APLP2: variants seen among roughly 807,000 people sequenced by gnomAD.
The protein encoded by APLP2 is amyloid beta precursor like protein 2.
In APLP2, 53 loss-of-function variants were observed where a neutral mutation model predicts 89.9. The ratio of observed to expected loss-of-function variants is 0.59; its 90% CI spans 0.47 to 0.74. APLP2 has a LOEUF of 0.74. APLP2 is among the 30% of genes least tolerant of loss of function. APLP2 has a pLI of 0.00. For missense variants in APLP2, 973 were observed against 975.9 expected (o/e 1.00, Z 0.04); for synonymous variants, 372 against 348.6 (o/e 1.07, Z -0.75).
intron 3 of APLP2, among the ~76,000 whole-genome samples, chr11:130,118,324 T>G (rs1194747948): frequency 6.6e-6 from 1 of 152,192 alleles, no homozygotes; most frequent in Non-Finnish European, 1.5e-5. Context: ...AGTTTCTGTT[T>G]TTATTTTAAA....
At chr11:130,079,011 T>C (rs1591758532) in intron 1 of APLP2, among the ~76,000 whole-genome samples, 1 of 152,182 alleles carries the variant, frequency 6.6e-6, no homozygotes, top group East Asian at 1.9e-4. Context: ...TTTGGGTCTA[T>C]AGTTTAATTG....
intron 4 of APLP2, 132 bp from the exon 5 acceptor site, chr11:130,121,482 A>G (rs546205439): frequency 8.6e-7 from 1 of 1,166,632 alleles, no homozygotes; most frequent in Admixed American, 3.0e-5. Flanking sequence ...TTGACAGAAA[A>G]TGTATGTGTT....
chr11:130,110,598 A>G lies in APLP2; in HGVS notation c.340A>G (p.Asn114Asp). 1 of 1,613,868 alleles carries G rather than the reference A, an allele frequency of 6.2e-7. No homozygotes were observed. Among genetic ancestry groups the G allele is most frequent in the South Asian group, 1.1e-5 (1 of 91,078 alleles). Residue 114 changes from asparagine to aspartate, a missense_variant, in exon 3 of 17, where the codon AAC (asparagine) becomes GAC (aspartate). By Grantham distance (23) the Asn-to-Asp change is conservative. Transcript: ENST00000338167. Reference sequence around the variant, plus strand: ...GGCAAACCAGCGGGTTAGTATTGACAACTGGTGCCGGAGGGACAAAAAGCA... The same window carrying G: ...GGCAAACCAGCGGGTTAGTATTGACGACTGGTGCCGGAGGGACAAAAAGCA... ...MEANQRVSID[N>D]WCRRDKKQCK...
chr11:130,133,935 A>G (rs1951227410), intron 12 of APLP2, among the ~76,000 whole-genome samples: 1 of 152,240 alleles, frequency 6.6e-6, no homozygotes, highest in African/African-American at 2.4e-5. Context: ...GCTGTGAGCC[A>G]TGGAGCCTCG....
At chr11:130,094,744 A>T (rs1945963184) in intron 1 of APLP2, among the ~76,000 whole-genome samples, 1 of 152,228 alleles carries the variant, frequency 6.6e-6, no homozygotes, top group Admixed American at 6.5e-5. Flanking sequence ...ACTGTGAGCC[A>T]CTAAAACAGG....
chr11:130,128,999 T>TGCC (rs1565595014), intron 9 of APLP2, 49 bp from the exon 10 acceptor site: 1 of 1,577,810 alleles, frequency 6.3e-7, no homozygotes, highest in Admixed American at 1.7e-5. Context: ...TTGCTTAGGC[T>TGCC]TCCTCTGGGT....
intron 3 of APLP2, among the ~76,000 whole-genome samples, chr11:130,115,075 T>A (rs1227598093): frequency 1.3e-5 from 2 of 152,188 alleles, no homozygotes; most frequent in Non-Finnish European, 2.9e-5. Flanking sequence ...CCCTGAAACA[T>A]ACCTGGGGTG....
At chr11:130,122,193 T>C in intron 5 of APLP2, 112 bp from the exon 6 acceptor site, 2 of 1,276,896 alleles carry the variant, frequency 1.6e-6, no homozygotes, top group Non-Finnish European at 1.1e-6. Flanking sequence ...GAAATGTGCG[T>C]TGAGCTTATT....
rs746178399 is a variant in APLP2, at chr11:130,070,692, C to G, written c.105+610C>G. On this transcript the variant is annotated intron_variant, in intron 1 of 16. Coordinates refer to ENST00000338167, the MANE Select transcript of APLP2 (RefSeq NM_001142276.2). ...CGCCTGGGGCCGGGTCGCGGACGCG[C>G]ATTTTTTAAGTGGCGCTGTTTGCCT... The G allele has an allele frequency of 1.4e-5, 21 of 1,478,152 alleles. No individual in the cohort carries two copies. The African/African-American group carries it at 2.2e-4, about 15-fold the overall frequency. 91.6% of individuals were successfully genotyped at this position (1,478,152 alleles called of 1,614,324 possible). A position where few individuals can be genotyped will look rare whatever the true frequency, so the allele number is the denominator to read the frequency against.
intron 1 of APLP2, among the ~76,000 whole-genome samples, chr11:130,108,018 A>G (rs1948027449): frequency 6.6e-6 from 1 of 152,264 alleles, no homozygotes; most frequent in South Asian, 2.1e-4. Flanking sequence ...CCATATGTAG[A>G]AAGCTGAAAC....
At chr11:130,128,412 A>G (rs1025514923) in intron 9 of APLP2, among the ~76,000 whole-genome samples, 2 of 152,256 alleles carry the variant, frequency 1.3e-5, no homozygotes, top group African/African-American at 2.4e-5. Context: ...ACACTTTAAT[A>G]AAGTGTTAAA....
rs141460340 is a variant in APLP2 at position 130,122,275 on chromosome 11, A to C, written c.714-30A>C. On this transcript the variant is annotated intron_variant, in intron 5 of 16. Transcript: ENST00000338167. ...TGTGCTTTGCACATAGGAGCTATTAACCTTCCTTTTTTTCTATTTTGGCCT... is the reference window on the plus strand; with the variant it reads ...TGTGCTTTGCACATAGGAGCTATTACCCTTCCTTTTTTTCTATTTTGGCCT... 203 of 1,612,558 alleles carry C rather than the reference A, an allele frequency of 1.3e-4. No individual in the cohort carries two copies. The East Asian group carries it at 4.4e-3, about 35-fold the overall frequency.
Position 130,120,797 on chromosome 11 carries a change from C to T in APLP2, c.495C>T (p.His165=), listed in dbSNP as rs755904211. ...ERMEVCENHQ[H]WHTVVKEACL... ...TGGAGGTGTGTGAGAATCACCAGCA[C>T]TGGCACACGGTAGTCAAAGAGGTAA... The change falls in exon 4 of 17, where the codon CAC becomes CAT. Residue 165 remains histidine (H), a synonymous_variant. Transcript: ENST00000338167. 6.2e-7 allele frequency: 1 copy of T among 1,613,788 alleles called. No homozygotes were observed.
At chr11:130,120,628 C>G (rs537018147) in intron 3 of APLP2, 78 bp from the exon 4 acceptor site, 39 of 1,004,034 alleles carry the variant, frequency 3.9e-5, no homozygotes, top group Non-Finnish European at 5.5e-5. Context: ...TGTAGACTAT[C>G]ATCATAAACT....
In APLP2 at chr11:130,070,020, C is replaced by G; in HGVS notation, c.43C>G (p.Leu15Val). ...CGCGGCCGCCGCAGCCACGGGCAGG[C>G]TCCTGCTTCTGCTGCTGGTGGGGCT... ...GTAAAAATGR[L>V]LLLLLVGLTA... The change falls in exon 1 of 17, where the codon CTC becomes GTC. Residue 15 changes from leucine to valine, a missense_variant. Physicochemically the swap from Leu to Val is conservative, Grantham distance 32. Coordinates refer to ENST00000338167, the MANE Select transcript of APLP2 (RefSeq NM_001142276.2). The G allele has an allele frequency of 1.3e-6, 2 of 1,511,176 alleles. No individual in the cohort carries two copies. Among genetic ancestry groups the G allele is most frequent in the Non-Finnish European group, 1.8e-6 (2 of 1,136,350 alleles). The allele number at this position is 1,511,176 out of a possible 1,614,324, so 93.6% of individuals were successfully genotyped here.
chr11:130,099,932 C>T (rs1946685345), intron 1 of APLP2, among the ~76,000 whole-genome samples: 1 of 152,264 alleles, frequency 6.6e-6, no homozygotes, highest in East Asian at 1.9e-4. Flanking sequence ...TTATTTTAAT[C>T]GAATCCTCAC....
rs761739902 is a variant in APLP2, at chr11:130,109,506, G to A, written c.183G>A (p.Met61Ile). 3.7e-6 allele frequency: 6 copies of A among 1,613,804 alleles called. No homozygotes were observed. The highest frequency in any genetic ancestry group is 3.3e-5 in the Admixed American group (2 of 59,974). Residue 61 changes from methionine (M) to isoleucine (I), a missense_variant, in exon 2 of 17, where the codon ATG becomes ATA. Met to Ile is a conservative substitution (Grantham distance 10). Transcript: ENST00000338167. The stretch of plus-strand genomic sequence containing the variant: ...CAATGTTTTGTGGGAAGTTAAATAT[G>A]CATGTGAACATTCAGACTGGGAAAT... Reference protein sequence around the residue: ...QIAMFCGKLNMHVNIQTGKWE... With the variant: ...QIAMFCGKLNIHVNIQTGKWE...
intron 1 of APLP2, among the ~76,000 whole-genome samples, chr11:130,095,591 C>T (rs905429931): frequency 7.2e-5 from 11 of 152,250 alleles, no homozygotes; most frequent in African/African-American, 2.7e-4. Flanking sequence ...GCAGGCTCCA[C>T]TTGGGTGGAA....
chr11:130,093,018 C>T (rs1012919043), intron 1 of APLP2, among the ~76,000 whole-genome samples: 1 of 152,122 alleles, frequency 6.6e-6, no homozygotes, highest in Non-Finnish European at 1.5e-5. Flanking sequence ...GAGCATTTAG[C>T]CCCCTGAATA....
Sources: gnomAD v4.1 joint callset for allele counts (sites outside exome capture counted in the v4.1 genomes callset) on GRCh38, gnomAD v4.1.1 for gene constraint, MANE v1.5 for transcripts, NCBI Gene and HGNC (gene_info 2026-07-23, HGNC 2026-07-21) for gene names.